Variants in TUNAR observed in about 807,000 individuals in gnomAD.
The protein encoded by TUNAR is protein TUNAR.
chr14:95,890,334 C>T (rs1294053428), intron 2 of TUNAR, among the ~76,000 whole-genome samples: 1 of 152,196 alleles, frequency 6.6e-6, no homozygotes, highest in Non-Finnish European at 1.5e-5. Context: ...TTTTTCTTCT[C>T]GTCCTCTGAG....
chr14:95,885,212 C>T (rs1288608301), intron 2 of TUNAR, among the ~76,000 whole-genome samples: 3 of 152,182 alleles, frequency 2.0e-5, no homozygotes, highest in South Asian at 2.1e-4. Flanking sequence ...TACCTTGAAT[C>T]GTAAGGAGGG....
intron 2 of TUNAR, among the ~76,000 whole-genome samples, chr14:95,908,441 T>C (rs2139666587): frequency 6.6e-6 from 1 of 152,304 alleles, no homozygotes; most frequent in Middle Eastern, 3.4e-3. Flanking sequence ...GCAAAGTGCG[T>C]CCTCCCATCT....
intron 2 of TUNAR, among the ~76,000 whole-genome samples, chr14:95,897,247 C>T (rs1188341417): frequency 6.6e-6 from 1 of 152,178 alleles, no homozygotes; most frequent in Non-Finnish European, 1.5e-5. Context: ...GTCTTTGAGC[C>T]CCAGTCATGG....
rs75882940 is a variant in TUNAR at position 95,918,868 on chromosome 14, G to T, written c.13-3913G>T. Among the ~76,000 whole-genome samples, 771 of 152,222 alleles carry T rather than the reference G, an allele frequency of 5.1e-3. 10 individuals are homozygous for T. Among genetic ancestry groups the T allele is most frequent in the African/African-American group, 0.018 (735 of 41,528 alleles). On this transcript the variant is annotated intron_variant, in intron 2 of 2. Transcript: ENST00000678517. ...TACCAATCCTGGCCATCTATTCCCTGGCCTGTAGAGACTGGGAGATGCCAG... is the reference window on the plus strand; with the variant it reads ...TACCAATCCTGGCCATCTATTCCCTTGCCTGTAGAGACTGGGAGATGCCAG...
Position 95,917,293 on chromosome 14 carries a change from T to A in TUNAR, c.13-5488T>A, listed in dbSNP as rs541157346. Among the ~76,000 whole-genome samples the A allele has an allele frequency of 1.4e-3, 216 of 152,352 alleles. 1 individual carries two copies. The highest frequency in any genetic ancestry group is 6.8e-3 in the Middle Eastern group (2 of 294). On this transcript the variant is annotated intron_variant, in intron 2 of 2. Transcript: ENST00000678517. The stretch of plus-strand genomic sequence containing the variant: ...AGATACTCAGGTATTCCAACACTGC[T>A]CATCAAAGACCCGTTTACCCCTGTG...
At chr14:95,908,095 T>G (rs1473148716) in intron 2 of TUNAR, among the ~76,000 whole-genome samples, 1 of 152,190 alleles carries the variant, frequency 6.6e-6, no homozygotes, top group Non-Finnish European at 1.5e-5. Context: ...AGGTGGAGCA[T>G]TCCTAGGGAC....
intron 2 of TUNAR, among the ~76,000 whole-genome samples, chr14:95,899,764 C>T (rs1889320352): frequency 6.6e-6 from 1 of 152,196 alleles, no homozygotes; most frequent in Non-Finnish European, 1.5e-5. Context: ...TTCATGAGGG[C>T]TCCACCCTCA....
chr14:95,897,851 CCTTT>C lies in TUNAR; in HGVS notation c.12+20679_12+20682del, dbSNP rs759598065. Among the ~76,000 whole-genome samples the C allele has an allele frequency of 3.3e-5, 5 of 152,270 alleles. No homozygotes were observed. The East Asian group carries it at 9.6e-4, about 29-fold the overall frequency. ...ATATTTTTTCTGGGATTTCTGGTTGCCTTTCTTTTTTTCTTCTTGCTTTCTATGC... is the reference window on the plus strand; with the variant it reads ...ATATTTTTTCTGGGATTTCTGGTTGCCTTTTTTTCTTCTTGCTTTCTATGC... On this transcript the variant is annotated intron_variant, in intron 2 of 2. Transcript: ENST00000678517.
At chr14:95,896,507 C>T (rs1204049738) in intron 2 of TUNAR, among the ~76,000 whole-genome samples, 1 of 152,212 alleles carries the variant, frequency 6.6e-6, no homozygotes, top group Non-Finnish European at 1.5e-5. Context: ...CATGAAGGGA[C>T]TGGGCTGGGT....
rs540052059 is a variant in TUNAR, at chr14:95,894,529, C to T, written c.12+17352C>T. 4.3e-4 allele frequency among the ~76,000 whole-genome samples: 66 copies of T among 152,238 alleles called. No individual in the cohort carries two copies. In the South Asian group the frequency reaches 0.013, roughly 29 times the overall value. ...CGAACTTGCGGAAGAGTGTGGTTTG[C>T]GGGGCCCCTGGCAACAGTCCTGCTT... On this transcript the variant is annotated intron_variant, in intron 2 of 2. Transcript: ENST00000678517.
At chr14:95,921,818 A>C (rs1889702073) in intron 2 of TUNAR, among the ~76,000 whole-genome samples, 1 of 152,242 alleles carries the variant, frequency 6.6e-6, no homozygotes, top group Non-Finnish European at 1.5e-5. Flanking sequence ...TCGAGCCTTT[A>C]TAAATCAAAT....
intron 2 of TUNAR, among the ~76,000 whole-genome samples, chr14:95,877,867 T>A (rs1252033541): frequency 6.6e-6 from 1 of 152,370 alleles, no homozygotes; most frequent in South Asian, 2.1e-4. Flanking sequence ...ACTCTACTTT[T>A]TAGTTCAGGT....
chr14:95,889,976 A>G (rs1889147994), intron 2 of TUNAR, among the ~76,000 whole-genome samples: 1 of 151,994 alleles, frequency 6.6e-6, no homozygotes, highest in East Asian at 1.9e-4. Flanking sequence ...AAAAAAAAAA[A>G]ACTGACAAAT....
intron 2 of TUNAR, among the ~76,000 whole-genome samples, chr14:95,879,658 C>G (rs1472179700): frequency 6.6e-6 from 1 of 151,686 alleles, no homozygotes; most frequent in Non-Finnish European, 1.5e-5. Context: ...TGAAAATAAG[C>G]CATCGAGAAT....
intron 2 of TUNAR, among the ~76,000 whole-genome samples, chr14:95,902,100 T>C (rs764432398): frequency 1.1e-4 from 17 of 152,152 alleles, no homozygotes; most frequent in Non-Finnish European, 1.0e-4. Flanking sequence ...TGTGATGGGA[T>C]TGACAGAGAG....
chr14:95,880,466 T>A (rs1423560560), intron 2 of TUNAR, among the ~76,000 whole-genome samples: 1 of 152,146 alleles, frequency 6.6e-6, no homozygotes, highest in Non-Finnish European at 1.5e-5. Flanking sequence ...AGCACTAGAA[T>A]GAGCCATGAC....
At chr14:95,886,133 G>T (rs973981492) in intron 2 of TUNAR, among the ~76,000 whole-genome samples, 2 of 152,332 alleles carry the variant, frequency 1.3e-5, no homozygotes, top group Middle Eastern at 3.4e-3. Context: ...ATGCATTCAG[G>T]CTGCTCCTGG....
chr14:95,894,202 G>A (rs1213009312), intron 2 of TUNAR, among the ~76,000 whole-genome samples: 1 of 152,220 alleles, frequency 6.6e-6, no homozygotes, highest in Non-Finnish European at 1.5e-5. Context: ...TGAGGAGAAA[G>A]AACACATCTC....
chr14:95,917,575 G>A (rs1595126430), intron 2 of TUNAR, among the ~76,000 whole-genome samples: 1 of 152,100 alleles, frequency 6.6e-6, no homozygotes, highest in Non-Finnish European at 1.5e-5. Context: ...AACACTTTAG[G>A]AAAAACTGAT....
Sources: allele counts gnomAD v4.1 joint callset (sites outside exome capture counted in the v4.1 genomes callset), GRCh38; gene constraint gnomAD v4.1.1; transcripts MANE v1.5; gene names NCBI Gene and HGNC (gene_info 2026-07-23, HGNC 2026-07-21).